The following NKAIN2 variants were observed in gnomAD, a reference collection of about 807,000 sequenced individuals.
NKAIN2 encodes the protein sodium/potassium transporting ATPase interacting 2.
Under a neutral mutation model 32.6 loss-of-function variants are expected in NKAIN2, and 14 were observed. The ratio of observed to expected loss-of-function variants is 0.43; its 90% CI spans 0.28 to 0.67. The LOEUF is 0.67. NKAIN2 is among the 30% of genes least tolerant of loss of function. NKAIN2 has a pLI of 0.17. For missense variants in NKAIN2, 198 were observed against 258.3 expected, an observed-to-expected ratio of 0.77 and a Z score of 1.60; for synonymous variants, 80 against 87.2, an observed-to-expected ratio of 0.92 and a Z score of 0.46.
At chr6:123,848,735 T>C (rs1562217126) in intron 1 of NKAIN2, among the ~76,000 whole-genome samples, 1 of 152,216 alleles carries the variant, frequency 6.6e-6, no homozygotes, top group Non-Finnish European at 1.5e-5. Context: ...CCAAAGGGTG[T>C]GTGCTTACTT....
chr6:123,807,026 T>C lies in NKAIN2; in HGVS notation c.54+2772T>C, dbSNP rs144034848. 2.0e-3 allele frequency among the ~76,000 whole-genome samples: 301 copies of C among 152,156 alleles called. 1 individual carries two copies. Among genetic ancestry groups the C allele is most frequent in the African/African-American group, 7.1e-3 (297 of 41,554 alleles). ...GACCAGACACGGTGTTTTGACCATT[T>C]AACAATTGAGGGACAGAGGCAGATT... On this transcript the variant is annotated intron_variant, in intron 1 of 6. Transcript: ENST00000368417.
At chr6:124,128,847 T>A (rs1786313016) in intron 1 of NKAIN2, among the ~76,000 whole-genome samples, 1 of 152,240 alleles carries the variant, frequency 6.6e-6, no homozygotes, top group Admixed American at 6.5e-5. Context: ...AGAGTGCAGA[T>A]TCACTTAACG....
At chr6:124,261,213 A>G (rs1041919878) in intron 1 of NKAIN2, among the ~76,000 whole-genome samples, 19 of 152,172 alleles carry the variant, frequency 1.2e-4, no homozygotes, top group African/African-American at 3.6e-4. Context: ...CTGTGATACA[A>G]TCTCGTCTTG....
At chr6:124,315,950 C>A (rs1796933040) in intron 2 of NKAIN2, among the ~76,000 whole-genome samples, 1 of 151,978 alleles carries the variant, frequency 6.6e-6, no homozygotes, top group South Asian at 2.1e-4. Context: ...ATGGGTGAAT[C>A]TTTTTCCTAG....
At chr6:124,814,771 G>A (rs971512574) in intron 5 of NKAIN2, among the ~76,000 whole-genome samples, 1 of 151,996 alleles carries the variant, frequency 6.6e-6, no homozygotes, top group African/African-American at 2.4e-5. Flanking sequence ...TCTATCCATT[G>A]GACTTGAAGA....
intron 1 of NKAIN2, among the ~76,000 whole-genome samples, chr6:123,979,166 G>T (rs1425796543): frequency 6.6e-6 from 1 of 151,744 alleles, no homozygotes; most frequent in Non-Finnish European, 1.5e-5. Flanking sequence ...AAATCAATCT[G>T]ATTTGATCTG....
At chr6:124,475,475 T>C (rs1012763219) in intron 3 of NKAIN2, among the ~76,000 whole-genome samples, 3 of 152,192 alleles carry the variant, frequency 2.0e-5, no homozygotes, top group Non-Finnish European at 4.4e-5. Flanking sequence ...TTTTCTTCCA[T>C]GAGTGGATAT....
chr6:123,982,083 T>TC (rs1778926396), intron 1 of NKAIN2, among the ~76,000 whole-genome samples: 1 of 152,168 alleles, frequency 6.6e-6, no homozygotes, highest in Non-Finnish European at 1.5e-5. Context: ...AACTTTTTTT[T>TC]CATAGAAAAA....
intron 1 of NKAIN2, among the ~76,000 whole-genome samples, chr6:123,937,556 TTCA>T (rs1309413986): frequency 6.6e-6 from 1 of 152,126 alleles, no homozygotes; most frequent in Non-Finnish European, 1.5e-5. Flanking sequence ...TATAAATTGC[TTCA>T]TCATTACTTA....
At chr6:124,669,109 T>C (rs1772966351) in intron 4 of NKAIN2, among the ~76,000 whole-genome samples, 1 of 152,142 alleles carries the variant, frequency 6.6e-6, no homozygotes, top group Non-Finnish European at 1.5e-5. Flanking sequence ...TGACAACTTA[T>C]CACCAGGATA....
intron 2 of NKAIN2, among the ~76,000 whole-genome samples, chr6:124,285,059 G>A (rs1178998186): frequency 6.6e-6 from 1 of 152,138 alleles, no homozygotes; most frequent in East Asian, 1.9e-4. Context: ...ATTGTTAGAA[G>A]TTTTGTTTTC....
chr6:124,552,912 T>C (rs147467238), intron 3 of NKAIN2, among the ~76,000 whole-genome samples: 9 of 152,376 alleles, frequency 5.9e-5, no homozygotes, highest in Admixed American at 5.2e-4. Flanking sequence ...ACTTTTATTT[T>C]TTGTTGTCGT....
intron 3 of NKAIN2, among the ~76,000 whole-genome samples, chr6:124,482,212 A>G (rs1367595434): frequency 6.6e-6 from 1 of 152,158 alleles, no homozygotes; most frequent in African/African-American, 2.4e-5. Context: ...GACTCCTGAG[A>G]AGACTGAGCT....
chr6:124,708,235 G>A (rs1583688102), intron 4 of NKAIN2, among the ~76,000 whole-genome samples: 1 of 147,846 alleles, frequency 6.8e-6, no homozygotes, highest in South Asian at 2.2e-4. Flanking sequence ...TGCTGTTTTG[G>A]TTACTGTAGC....
intron 1 of NKAIN2, among the ~76,000 whole-genome samples, chr6:124,127,664 C>T (rs1786244575): frequency 6.6e-6 from 1 of 152,074 alleles, no homozygotes; most frequent in East Asian, 1.9e-4. Flanking sequence ...CTTCTACTCA[C>T]TCATTAAGTG....
intron 1 of NKAIN2, among the ~76,000 whole-genome samples, chr6:123,876,115 A>T (rs1232922569): frequency 6.6e-6 from 1 of 152,038 alleles, no homozygotes; most frequent in Non-Finnish European, 1.5e-5. Context: ...CTGAGACCCT[A>T]TTTATTTCTT....
chr6:124,265,986 G>C (rs990867262), intron 1 of NKAIN2, among the ~76,000 whole-genome samples: 1 of 152,110 alleles, frequency 6.6e-6, no homozygotes, highest in Non-Finnish European at 1.5e-5. Context: ...AAAACTCCGA[G>C]ATTAAAAAGA....
chr6:124,791,306 T>A (rs769171484), intron 4 of NKAIN2, 33 bp from the exon 5 acceptor site: 5 of 1,579,150 alleles, frequency 3.2e-6, no homozygotes, highest in Non-Finnish European at 4.3e-6. Context: ...GGTGCCTTTT[T>A]CTGATGTCTA....
At chr6:124,753,807 T>A (rs1008578541) in intron 4 of NKAIN2, among the ~76,000 whole-genome samples, 2 of 152,038 alleles carry the variant, frequency 1.3e-5, no homozygotes, top group Non-Finnish European at 2.9e-5. Context: ...GGGATAAAAT[T>A]AAGCACAGAA....
Sources: gnomAD v4.1 joint callset for allele counts (sites outside exome capture counted in the v4.1 genomes callset) on GRCh38, gnomAD v4.1.1 for gene constraint, MANE v1.5 for transcripts, NCBI Gene and HGNC (gene_info 2026-07-23, HGNC 2026-07-21) for gene names.